Variants in TMPRSS6 observed in about 807,000 individuals in gnomAD.
TMPRSS6 encodes transmembrane serine protease 6, also known as transmembrane protease serine 6.
Under a neutral mutation model 101.5 loss-of-function variants are expected in TMPRSS6, and 67 were observed. The observed-to-expected ratio is 0.66, with a 90% CI of 0.54 to 0.81. TMPRSS6 has a LOEUF of 0.81. Ranked by LOEUF, TMPRSS6 falls within the 30% of genes least tolerant of loss-of-function variation. The pLI, the probability that TMPRSS6 is intolerant of heterozygous loss-of-function variation, is 0.00. For synonymous variants in TMPRSS6, 453 were observed against 464.9 expected (o/e 0.97, Z 0.33); for missense variants, 1,034 against 1,088.7 (o/e 0.95, Z 0.71).
chr22:37,087,684 A>C (rs1485783716), intron 7 of TMPRSS6, among the ~76,000 whole-genome samples: 6 of 149,184 alleles, frequency 4.0e-5, no homozygotes, highest in African/African-American at 1.2e-4. Flanking sequence ...GGTGCCCCCC[A>C]CCCTCCCATA....
intron 7 of TMPRSS6, 106 bp from the exon 8 acceptor site, chr22:37,086,525 T>C (rs1023314834): frequency 1.6e-6 from 2 of 1,230,902 alleles, no homozygotes; most frequent in Admixed American, 2.0e-5. Context: ...TCTGGACATC[T>C]GGGTTCTGGG....
chr22:37,075,392 G>A, intron 10 of TMPRSS6, 112 bp from the exon 11 acceptor site: 1 of 1,425,826 alleles, frequency 7.0e-7, no homozygotes. Flanking sequence ...CACGCCCGCT[G>A]TGCCTCCTCT....
At chr22:37,102,001 G>A (rs979791854) in intron 2 of TMPRSS6, among the ~76,000 whole-genome samples, 3 of 151,894 alleles carry the variant, frequency 2.0e-5, no homozygotes, top group Admixed American at 6.6e-5. Context: ...GTCAGACCTG[G>A]GGTTCCCAAT....
chr22:37,099,253 G>A (rs1460691194), intron 2 of TMPRSS6, among the ~76,000 whole-genome samples: 1 of 152,222 alleles, frequency 6.6e-6, no homozygotes, highest in Non-Finnish European at 1.5e-5. Context: ...AGCAGCATGG[G>A]GCACGGGGCC....
rs1927489843 is a variant in TMPRSS6, at chr22:37,074,996, C to CACAT, written c.1342+135_1342+138dup. On this transcript the variant is annotated intron_variant, in intron 11 of 17. Coordinates refer to ENST00000676104, the MANE Select transcript of TMPRSS6 (RefSeq NM_001374504.1). ...ACAAAGCTGCATAAATTTGTGCAAG[C>CACAT]ACATACACACACACACACACTCTCT... 9.7e-6 allele frequency: 14 copies of CACAT among 1,439,296 alleles called. No individual in the cohort carries two copies. In the South Asian group the frequency reaches 1.6e-4, roughly 17 times the overall value. The allele number at this position is 1,439,296 out of a possible 1,614,324, so 89.2% of individuals were successfully genotyped here.
intron 15 of TMPRSS6, 141 bp downstream of exon 15, chr22:37,070,343 A>C: frequency 2.7e-6 from 3 of 1,099,818 alleles, no homozygotes; most frequent in Non-Finnish European, 4.1e-6. Flanking sequence ...AGCCAGGACT[A>C]GAACTCACAT....
chr22:37,069,689 C>T lies in TMPRSS6; in HGVS notation c.1842-345G>A, dbSNP rs1303988480. Among the ~76,000 whole-genome samples, 1 of 152,226 alleles carries T rather than the reference C, an allele frequency of 6.6e-6. No individual in the cohort carries two copies. The highest frequency in any genetic ancestry group is 1.5e-5 in the Non-Finnish European group (1 of 68,036). ...GTATCTAAAAAATGTAGCACAGTGC[C>T]AGGCCCCCGACACAGATTTCTTTTT... On this transcript the variant is annotated intron_variant, in intron 15 of 17. Transcript: ENST00000676104. This position sits in a 1 kb window ranked among gnomAD's most constrained non-coding sequence, Gnocchi z 4.8.
chr22:37,080,567 A>G (rs1928182479), intron 10 of TMPRSS6, among the ~76,000 whole-genome samples: 1 of 152,272 alleles, frequency 6.6e-6, no homozygotes, highest in Admixed American at 6.5e-5. Flanking sequence ...CTCAGCATCT[A>G]CATGGGATGA....
At chr22:37,096,512 A>G in intron 4 of TMPRSS6, 136 bp downstream of exon 4, 1 of 967,890 alleles carries the variant, frequency 1.0e-6, no homozygotes, top group Admixed American at 2.0e-5. Context: ...GACATGCAGG[A>G]AGCCAAGTTC....
At chr22:37,066,351 C>T (rs768439080) in intron 17 of TMPRSS6, 113 bp from the exon 18 acceptor site, 70 of 1,107,882 alleles carry the variant, frequency 6.3e-5, no homozygotes, top group Non-Finnish European at 8.5e-5. Flanking sequence ...GTGCCAGAGT[C>T]ACGTTCAGTC....
intron 6 of TMPRSS6, among the ~76,000 whole-genome samples, chr22:37,094,010 G>A (rs1398449655): frequency 6.6e-6 from 1 of 150,384 alleles, no homozygotes; most frequent in African/African-American, 2.5e-5. Flanking sequence ...ATGACAGAGT[G>A]AGACTCTGTT....
intron 11 of TMPRSS6, 25 bp downstream of exon 11, chr22:37,075,110 G>T: frequency 1.2e-6 from 2 of 1,613,714 alleles, no homozygotes; most frequent in Non-Finnish European, 1.7e-6. Context: ...CACTGCAGGG[G>T]GTTCCCCCGG....
chr22:37,095,957 C>A lies in TMPRSS6; in HGVS notation c.538G>T (p.Val180Phe). Residue 180 changes from valine to phenylalanine, a missense_variant, in exon 5 of 18, where the codon GTC (valine) becomes TTC (phenylalanine). Transcript: ENST00000676104. ...ACTTCGTACTCGGCCCTGTAGGGGACGGCAGCCGAGCTGTTGACTGTGGAC... is the reference window on the plus strand; with the variant it reads ...ACTTCGTACTCGGCCCTGTAGGGGAAGGCAGCCGAGCTGTTGACTGTGGAC... ...LLSTVNSSAAVPYRAEYEVDP... is the reference protein window; with the variant it reads ...LLSTVNSSAAFPYRAEYEVDP... 6.2e-7 allele frequency: 1 copy of A among 1,614,150 alleles called. No individual in the cohort carries two copies. The highest frequency in any genetic ancestry group is 1.1e-5 in the South Asian group (1 of 91,086).
At chr22:37,094,543 T>TGATAGATA (rs6147615) in intron 6 of TMPRSS6, among the ~76,000 whole-genome samples, 18,126 of 150,764 alleles carry the variant, frequency 0.12, 1,400 homozygotes, top group East Asian at 0.23. Context: ...TCAACAGAGA[T>TGATAGATA]GATAGATAGA....
In TMPRSS6 at chr22:37,096,729, A is replaced by G. The variant is rs1413048979; in HGVS notation, c.337-14T>C. The G allele has an allele frequency of 6.4e-7, 1 of 1,559,454 alleles. No homozygotes were observed. The highest frequency in any genetic ancestry group is 8.7e-7 in the Non-Finnish European group (1 of 1,150,758). On this transcript the variant is annotated splice_polypyrimidine_tract_variant and intron_variant, in intron 3 of 17. Transcript: ENST00000676104. ...GAGCTCCTTGAGCTGTGAGAAGGGA[A>G]GACAACAGCCCCTGGGACCCTCTGC...
In TMPRSS6 at chr22:37,091,832, G is replaced by A. The variant is rs1421311; in HGVS notation, c.632-2050C>T. Among the ~76,000 whole-genome samples the A allele has an allele frequency of 4.3e-4, 65 of 152,298 alleles. 1 individual carries two copies. Among genetic ancestry groups the A allele is most frequent in the African/African-American group, 1.5e-3 (61 of 41,544 alleles). ...TATGACCTCCTCTGGGCAGTGCTGA[G>A]GACCAGGAAGGGAATGGAGGTGAAT... On this transcript the variant is annotated intron_variant, in intron 6 of 17. Transcript: ENST00000676104.
At position 37,096,155 on chromosome 22, in the gene TMPRSS6, T is replaced by G. The variant is rs12484810; in HGVS notation, c.405-65A>C. ...TGAGGTCTGGCCCCAGCTCCACCCC[T>G]GCTCATGCACATCGAGCACTTTCCG... On this transcript the variant is annotated intron_variant, in intron 4 of 17. Transcript: ENST00000676104. 8,943 of 1,581,978 alleles carry G rather than the reference T, an allele frequency of 5.7e-3. 516 individuals carry two copies. The Admixed American group carries it at 0.11, about 20-fold the overall frequency.
intron 7 of TMPRSS6, 53 bp from the exon 8 acceptor site, chr22:37,086,472 C>T: frequency 6.5e-7 from 1 of 1,547,458 alleles, no homozygotes; most frequent in Non-Finnish European, 8.7e-7. Context: ...AGGGGAGTGG[C>T]AGGGAGGGCG....
chr22:37,070,646 C>T lies in TMPRSS6; in HGVS notation c.1679G>A (p.Gly560Asp). The change falls in exon 15 of 18, where the codon GGC (glycine) becomes GAC (aspartate). Residue 560 changes from glycine (G) to aspartate (D), a missense_variant. Gly to Asp is a moderately conservative substitution (Grantham distance 94). Coordinates refer to ENST00000676104, the MANE Select transcript of TMPRSS6 (RefSeq NM_001374504.1). ...AATGCGGCTGGAGGGGCCCTGGAGG[C>T]CACAGTCTGGGGATGGGGGCAGGTG... ...DGSDEEHCDC[G>D]LQGPSSRIVG... 1 of 1,612,760 alleles carries T rather than the reference C, an allele frequency of 6.2e-7. No homozygotes were observed. The highest frequency in any genetic ancestry group is 1.1e-5 in the South Asian group (1 of 91,068).
Sources: gnomAD v4.1 joint callset for allele counts (sites outside exome capture counted in the v4.1 genomes callset) on GRCh38, gnomAD v4.1.1 for gene constraint, Gnocchi (gnomAD v3.1) non-coding constraint, MANE v1.5 for transcripts, NCBI Gene and HGNC (gene_info 2026-07-23, HGNC 2026-07-21) for gene names.